The following RXFP2 variants were observed in gnomAD, a reference collection of about 807,000 sequenced individuals.
The protein encoded by RXFP2 is relaxin family peptide receptor 2.
In RXFP2, 68 loss-of-function variants were observed where a neutral mutation model predicts 88.6. The observed-to-expected ratio is 0.77, with a 90% confidence interval of 0.63 to 0.94. RXFP2 has a LOEUF of 0.94. RXFP2 is among the 40% of genes least tolerant of loss of function. RXFP2 has a pLI of 0.00. For synonymous variants in RXFP2, 329 were observed against 306.8 expected, an observed-to-expected ratio of 1.07 and a Z score of -0.76; for missense variants, 791 against 893.9, an observed-to-expected ratio of 0.88 and a Z score of 1.47.
At chr13:31,747,399 G>GA (rs555464614) in intron 1 of RXFP2, among the ~76,000 whole-genome samples, 2 of 152,002 alleles carry the variant, frequency 1.3e-5, no homozygotes, top group Non-Finnish European at 2.9e-5. Flanking sequence ...TAAGATAAAT[G>GA]AAAAAAAGAA....
rs751670481 is a variant in RXFP2, at chr13:31,758,281, A to G, written c.118A>G (p.Met40Val). The change falls in exon 2 of 18, where the codon ATG becomes GTG. Residue 40 changes from methionine to valine, a missense_variant. Coordinates refer to ENST00000298386, the MANE Select transcript of RXFP2 (RefSeq NM_130806.5). Reference protein sequence around the residue: ...VKDFALTQGSMITPSCQKGYF... With the variant: ...VKDFALTQGSVITPSCQKGYF... Reference sequence around the variant, plus strand: ...AGATTTTGCACTGACTCAAGGTAGCATGATCACTCCTTCATGCCAAAAAGG... The same window carrying G: ...AGATTTTGCACTGACTCAAGGTAGCGTGATCACTCCTTCATGCCAAAAAGG... 5 of 1,614,032 alleles carry G rather than the reference A, an allele frequency of 3.1e-6. No homozygotes were observed. Among genetic ancestry groups the G allele is most frequent in the African/African-American group, 2.7e-5 (2 of 74,930 alleles).
At chr13:31,796,861 C>T (rs1874075241) in intron 16 of RXFP2, among the ~76,000 whole-genome samples, 1 of 152,188 alleles carries the variant, frequency 6.6e-6, no homozygotes, top group South Asian at 2.1e-4. Flanking sequence ...TGAGCATCAA[C>T]ATGATGCCAC....
In RXFP2 at chr13:31,802,645, C is replaced by T. The variant is rs531292079; in HGVS notation, c.*240C>T. ...CATGCCTGAAAAGCACATGTGAATT[C>T]GTGTATAGTGGGCTGAGGTGCAGCT... On this transcript the variant is annotated 3_prime_UTR_variant, in exon 18 of 18. Transcript: ENST00000298386. 38 of 519,258 alleles carry T rather than the reference C, an allele frequency of 7.3e-5. No homozygotes were observed. The highest frequency in any genetic ancestry group is 4.5e-4 in the East Asian group (13 of 28,668). 32.2% of individuals were successfully genotyped at this position (519,258 alleles called of 1,614,324 possible). A position where few individuals can be genotyped will look rare whatever the true frequency, so the allele number is the denominator to read the frequency against.
At chr13:31,778,327 G>C (rs1158815604) in intron 8 of RXFP2, among the ~76,000 whole-genome samples, 185 bp from the exon 9 acceptor site, 1 of 151,928 alleles carries the variant, frequency 6.6e-6, no homozygotes, top group Non-Finnish European at 1.5e-5. Context: ...TAGTTTCTTT[G>C]ACAACATCTG....
At position 31,774,662 on chromosome 13, in the gene RXFP2, A is replaced by C; in HGVS notation, c.540A>C (p.Ala180=). ...GCATTAGACACATATCCAGGAAAGCATTTTTTGGATTATGTAATCTGCAAA... is the reference window on the plus strand; with the variant it reads ...GCATTAGACACATATCCAGGAAAGCCTTTTTTGGATTATGTAATCTGCAAA... ...HNCIRHISRK[A]FFGLCNLQIL... Residue 180 remains alanine (A), a synonymous_variant, in exon 6 of 18, where the codon GCA becomes GCC. Transcript: ENST00000298386. 1 of 1,559,186 alleles carries C rather than the reference A, an allele frequency of 6.4e-7. No homozygotes were observed. Among genetic ancestry groups the C allele is most frequent in the Non-Finnish European group, 8.8e-7 (1 of 1,130,170 alleles).
chr13:31,748,087 G>T (rs1046008539), intron 1 of RXFP2, among the ~76,000 whole-genome samples: 1 of 152,146 alleles, frequency 6.6e-6, no homozygotes, highest in Non-Finnish European at 1.5e-5. Flanking sequence ...AGACTATATG[G>T]TATGTCATTG....
intron 5 of RXFP2, among the ~76,000 whole-genome samples, chr13:31,774,230 T>TA (rs1439545978): frequency 2.0e-5 from 3 of 152,284 alleles, no homozygotes; most frequent in East Asian, 3.9e-4. Context: ...AATGAGGAGT[T>TA]AAAGGTGCAT....
intron 11 of RXFP2, among the ~76,000 whole-genome samples, chr13:31,783,917 AG>A (rs776812830): frequency 6.6e-6 from 1 of 151,816 alleles, no homozygotes; most frequent in Non-Finnish European, 1.5e-5. Flanking sequence ...CCTGGGTTCA[AG>A]TGATCCTCCT....
intron 6 of RXFP2, 122 bp from the exon 7 acceptor site, chr13:31,775,196 C>G: frequency 1.2e-6 from 1 of 841,236 alleles, no homozygotes; most frequent in Admixed American, 1.9e-5. Context: ...GCTCATTCAG[C>G]CGAATACTTT....
Position 31,792,915 on chromosome 13 carries a change from C to T in RXFP2, c.1613C>T (p.Thr538Ile). The change falls in exon 16 of 18, where the codon ACC becomes ATC. Residue 538 changes from threonine to isoleucine, a missense_variant. Physicochemically the swap from Thr to Ile is moderately conservative, Grantham distance 89. Coordinates refer to ENST00000298386, the MANE Select transcript of RXFP2 (RefSeq NM_130806.5). ...FSNIRPGKRQTSVILICIWMA... is the reference protein window; with the variant it reads ...FSNIRPGKRQISVILICIWMA... ...AACATTCGACCTGGAAAACGGCAGA[C>T]CTCAGTCATCCTCATTTGCATCTGG... 6.2e-7 allele frequency: 1 copy of T among 1,614,096 alleles called. No individual in the cohort carries two copies. Among genetic ancestry groups the T allele is most frequent in the Non-Finnish European group, 8.5e-7 (1 of 1,180,020 alleles).
chr13:31,761,702 C>T (rs1014770538), intron 2 of RXFP2, 22 bp from the exon 3 acceptor site: 2 of 1,532,190 alleles, frequency 1.3e-6, no homozygotes, highest in Non-Finnish European at 1.8e-6. Flanking sequence ...ATAAGTGACA[C>T]ATCTCAATCA....
chr13:31,802,278 C>CA lies in RXFP2; in HGVS notation c.2140dup (p.Ile714AsnfsTer5). The CA allele has an allele frequency of 1.9e-6, 3 of 1,613,592 alleles. No homozygotes were observed. Among genetic ancestry groups the CA allele is most frequent in the Admixed American group, 3.3e-5 (2 of 59,974 alleles). ...CTGCTGCACAAACATCAGAGGAAAT[C>CA]AATTTTCAAAATTAAAAAAAAAAGT... On this transcript the variant is annotated frameshift_variant, in exon 18 of 18. Coordinates refer to ENST00000298386, the MANE Select transcript of RXFP2 (RefSeq NM_130806.5). LOFTEE classifies it high-confidence loss of function.
chr13:31,785,508 G>T (rs1873493371), intron 11 of RXFP2, among the ~76,000 whole-genome samples: 1 of 151,046 alleles, frequency 6.6e-6, no homozygotes. Flanking sequence ...TTTCCTCTAT[G>T]TTTTCTCTGC....
At chr13:31,783,162 T>C (rs1274155617) in intron 11 of RXFP2, among the ~76,000 whole-genome samples, 1 of 152,232 alleles carries the variant, frequency 6.6e-6, no homozygotes, top group Non-Finnish European at 1.5e-5. Flanking sequence ...ATATGCTTAC[T>C]AGTCCTTGAG....
At chr13:31,762,886 A>G (rs776082349) in intron 3 of RXFP2, among the ~76,000 whole-genome samples, 7 of 152,106 alleles carry the variant, frequency 4.6e-5, no homozygotes, top group Non-Finnish European at 8.8e-5. Context: ...TAGAATGGGA[A>G]ATCATCATAG....
chr13:31,791,003 G>A (rs1873766236), intron 14 of RXFP2, among the ~76,000 whole-genome samples: 2 of 152,162 alleles, frequency 1.3e-5, no homozygotes, highest in Admixed American at 6.5e-5. Context: ...AAACTGAATT[G>A]AGAAATAACA....
Position 31,774,675 on chromosome 13 carries a change from T to G in RXFP2, c.553T>G (p.Cys185Gly). The G allele has an allele frequency of 6.6e-7, 1 of 1,523,978 alleles. No homozygotes were observed. Among genetic ancestry groups the G allele is most frequent in the Non-Finnish European group, 9.1e-7 (1 of 1,098,004 alleles). 94.4% of individuals were successfully genotyped at this position (1,523,978 alleles called of 1,614,324 possible). A position where few individuals can be genotyped will look rare whatever the true frequency, so the allele number is the denominator to read the frequency against. The change falls in exon 6 of 18, where the codon TGT becomes GGT. Residue 185 changes from cysteine (C) to glycine (G), a missense_variant. Transcript: ENST00000298386. ...HISRKAFFGL[C>G]NLQILYLNHN... ...ATCCAGGAAAGCATTTTTTGGATTA[T>G]GTAATCTGCAAATATTGTGAGTAAC...
rs1173469496 is a variant in RXFP2 at position 31,761,732 on chromosome 13, A to C, written c.250A>C (p.Ser84Arg). The C allele has an allele frequency of 3.1e-6, 5 of 1,609,780 alleles. 1 individual carries two copies. The highest frequency in any genetic ancestry group is 4.3e-6 in the Non-Finnish European group (5 of 1,176,094). ...CAATCACTATTTCACAGGTGACACTAGTGGATGGGCGACCATATTTGGCAC... is the reference window on the plus strand; with the variant it reads ...CAATCACTATTTCACAGGTGACACTCGTGGATGGGCGACCATATTTGGCAC... ...GADEENCGDT[S>R]GWATIFGTVH... Residue 84 changes from serine to arginine, a missense_variant, in exon 3 of 18, where the codon AGT (serine) becomes CGT (arginine). Coordinates refer to ENST00000298386, the MANE Select transcript of RXFP2 (RefSeq NM_130806.5).
At chr13:31,780,438 G>A (rs1233935876) in intron 9 of RXFP2, among the ~76,000 whole-genome samples, 1 of 152,142 alleles carries the variant, frequency 6.6e-6, no homozygotes, top group Non-Finnish European at 1.5e-5. Context: ...GGATTTTTAG[G>A]AGAGTATGGT....
Sources: gnomAD v4.1 joint callset for allele counts (sites outside exome capture counted in the v4.1 genomes callset) on GRCh38, gnomAD v4.1.1 for gene constraint, MANE v1.5 for transcripts, NCBI Gene and HGNC (gene_info 2026-07-23, HGNC 2026-07-21) for gene names.